Variants in OPRM1 observed in about 807,000 individuals in gnomAD.
OPRM1 encodes the protein opioid receptor mu 1, also known as mu-type opioid receptor.
OPRM1 carries 27 observed loss-of-function variants against 31.8 expected under a neutral mutation model. That is an observed-to-expected ratio of 0.85 (90% CI 0.63 to 1.17). The LOEUF (loss-of-function observed/expected upper bound fraction) is 1.17, where lower values mean the gene tolerates loss of function less well. Ranked by LOEUF, OPRM1 falls within the 50% of genes most tolerant of loss-of-function variation. The pLI, the probability that OPRM1 is intolerant of heterozygous loss-of-function variation, is 0.00. For synonymous variants in OPRM1, 196 were observed against 189.9 expected, an observed-to-expected ratio of 1.03 and a Z score of -0.26; for missense variants, 536 against 511.1, an observed-to-expected ratio of 1.05 and a Z score of -0.47.
chr6:154,234,816 G>A (rs1015122176), intron 3 of OPRM1, among the ~76,000 whole-genome samples: 6 of 152,192 alleles, frequency 3.9e-5, no homozygotes, highest in Non-Finnish European at 7.4e-5. Flanking sequence ...GACATACAAA[G>A]ATAGTAATTA....
At chr6:154,023,317 T>C (rs964628050) in intron 1 of OPRM1, among the ~76,000 whole-genome samples, 5 of 152,206 alleles carry the variant, frequency 3.3e-5, no homozygotes, top group African/African-American at 1.2e-4. Context: ...GTGGCTATTG[T>C]AAATGGAATT....
intron 3 of OPRM1, among the ~76,000 whole-genome samples, chr6:154,206,316 T>C (rs1240612788): frequency 6.6e-6 from 1 of 152,206 alleles, no homozygotes; most frequent in Non-Finnish European, 1.5e-5. Flanking sequence ...CTCAAAGCCA[T>C]GCAAAAGCAC....
At chr6:154,230,775 A>C (rs1451320497) in intron 3 of OPRM1, among the ~76,000 whole-genome samples, 1 of 152,212 alleles carries the variant, frequency 6.6e-6, no homozygotes, top group Non-Finnish European at 1.5e-5. Context: ...AAATCAGAAG[A>C]CACCTTAGAA....
intron 3 of OPRM1, among the ~76,000 whole-genome samples, chr6:154,225,942 C>T (rs1779213370): frequency 6.6e-6 from 1 of 152,198 alleles, no homozygotes; most frequent in African/African-American, 2.4e-5. Context: ...TTTAGTCCTC[C>T]CTTAATTGAA....
chr6:154,186,576 A>G (rs1406984757), intron 3 of OPRM1, among the ~76,000 whole-genome samples: 2 of 149,068 alleles, frequency 1.3e-5, no homozygotes. Flanking sequence ...TTTTTTTTTG[A>G]GACGGAGTCT....
intron 3 of OPRM1, among the ~76,000 whole-genome samples, chr6:154,200,687 C>G (rs1239166344): frequency 6.6e-6 from 1 of 152,152 alleles, no homozygotes; most frequent in East Asian, 1.9e-4. Flanking sequence ...TGCCACTGCA[C>G]TCCAGTCTGG....
intron 1 of OPRM1, among the ~76,000 whole-genome samples, chr6:154,057,328 A>T (rs1488313268): frequency 3.9e-5 from 6 of 152,228 alleles, no homozygotes; most frequent in African/African-American, 1.4e-4. Flanking sequence ...TCCCAAAGGT[A>T]CAGTCCAGTG....
In OPRM1 at chr6:154,039,369, C is replaced by T; in HGVS notation, c.-176C>T. On this transcript the variant is annotated 5_prime_UTR_variant, in exon 1 of 4. Coordinates refer to ENST00000330432, the MANE Select transcript of OPRM1 (RefSeq NM_000914.5). ...TATACGCAGAGGAGAATGTCAGATG[C>T]TCAGCTCGGTCCCCTCCGCCTGACG... The T allele has an allele frequency of 1.3e-6, 2 of 1,544,792 alleles. No homozygotes were observed. The highest frequency in any genetic ancestry group is 1.8e-6 in the Non-Finnish European group (2 of 1,142,750).
rs747503634 is a variant in OPRM1 at position 154,091,226 on chromosome 6, C to T, written c.918C>T (p.Ala306=). The T allele has an allele frequency of 2.5e-6, 4 of 1,614,066 alleles. No individual in the cohort carries two copies. The East Asian group carries it at 8.9e-5, about 36-fold the overall frequency. The stretch of plus-strand genomic sequence containing the variant: ...TTCACATTTACGTCATCATTAAAGC[C>T]TTGGTTACAATCCCAGAAACTACGT... ...TPIHIYVIIK[A]LVTIPETTFQ... The change falls in exon 3 of 4, where the codon GCC becomes GCT. Residue 306 remains alanine, a synonymous_variant. Transcript: ENST00000330432.
At chr6:154,117,718 G>T (rs1244103277) in intron 3 of OPRM1, among the ~76,000 whole-genome samples, 1 of 152,136 alleles carries the variant, frequency 6.6e-6, no homozygotes, top group Non-Finnish European at 1.5e-5. Context: ...ATTTGTCAGG[G>T]TCAGCAAGGG....
intron 3 of OPRM1, among the ~76,000 whole-genome samples, chr6:154,137,689 C>T (rs1207790063): frequency 6.6e-6 from 1 of 152,138 alleles, no homozygotes; most frequent in African/African-American, 2.4e-5. Context: ...CAGATTCAGT[C>T]CTAAGTCAAA....
upstream of OPRM1, among the ~76,000 whole-genome samples, chr6:154,035,852 A>T (rs192297959): frequency 3.3e-5 from 5 of 152,290 alleles, no homozygotes; most frequent in East Asian, 9.6e-4. Context: ...ATAATAAATT[A>T]TTCTTGCTTC....
intron 3 of OPRM1, among the ~76,000 whole-genome samples, chr6:154,104,106 C>T (rs1795246739): frequency 6.6e-6 from 1 of 152,144 alleles, no homozygotes; most frequent in African/African-American, 2.4e-5. Context: ...TCTTCCGTAA[C>T]TTCTTCAGGC....
intron 1 of OPRM1, among the ~76,000 whole-genome samples, chr6:154,042,417 TA>T (rs1780261955): frequency 6.6e-6 from 1 of 152,226 alleles, no homozygotes; most frequent in South Asian, 2.1e-4. Context: ...CTTCCTTCCC[TA>T]TTTAAAATTC....
intron 3 of OPRM1, chr6:154,154,838 G>T (rs1006706291): frequency 6.6e-6 from 1 of 152,504 alleles, no homozygotes; most frequent in Non-Finnish European, 1.5e-5. Flanking sequence ...TGAGAGCACA[G>T]TAAAACTTAA....
At chr6:154,234,650 C>T (rs1779976288) in intron 3 of OPRM1, among the ~76,000 whole-genome samples, 2 of 152,214 alleles carry the variant, frequency 1.3e-5, no homozygotes, top group Admixed American at 1.3e-4. Flanking sequence ...GCATCCTGTT[C>T]TATGCTTTGT....
At chr6:154,147,539 C>A (rs1484691722) in intron 3 of OPRM1, among the ~76,000 whole-genome samples, 1 of 152,182 alleles carries the variant, frequency 6.6e-6, no homozygotes, top group Admixed American at 6.5e-5. Flanking sequence ...CTTCACTGAG[C>A]GAGTTATAAC....
intron 1 of OPRM1, among the ~76,000 whole-genome samples, chr6:154,031,581 A>G (rs980078443): frequency 1.4e-5 from 2 of 138,762 alleles, no homozygotes; most frequent in African/African-American, 6.1e-5. Context: ...CTAAAAATAC[A>G]AAAAAAAAAA....
downstream of OPRM1, among the ~76,000 whole-genome samples, chr6:154,135,476 A>AT (rs953443103): frequency 3.3e-4 from 45 of 137,288 alleles, no homozygotes; most frequent in South Asian, 3.2e-3. Context: ...TGTAAAAAAA[A>AT]ATATATAGAT....
Sources: gnomAD v4.1 joint callset for allele counts (sites outside exome capture counted in the v4.1 genomes callset) on GRCh38, gnomAD v4.1.1 for gene constraint, MANE v1.5 for transcripts, NCBI Gene and HGNC (gene_info 2026-07-23, HGNC 2026-07-21) for gene names.